The following ESR1 variants were observed in gnomAD, a reference collection of about 807,000 sequenced individuals.
ESR1 encodes estrogen receptor.
Under a neutral mutation model 52.7 loss-of-function variants are expected in ESR1, and 12 were observed. That is an observed-to-expected ratio of 0.23 (90% CI 0.15 to 0.37). The LOEUF (loss-of-function observed/expected upper bound fraction) is 0.37. ESR1 is among the 10% of genes least tolerant of loss of function. ESR1 has a pLI of 1.00. For synonymous variants in ESR1, 305 were observed against 316.8 expected (o/e 0.96, Z 0.39); for missense variants, 584 against 779.7 (o/e 0.75, Z 2.99).
chr6:151,815,442 G>A (rs1171488972), intron 1 of ESR1, among the ~76,000 whole-genome samples: 1 of 152,172 alleles, frequency 6.6e-6, no homozygotes, highest in Non-Finnish European at 1.5e-5. Flanking sequence ...TGCATGGCAC[G>A]TGAAAGCCCG....
chr6:151,881,463 A>G (rs1194304483), intron 3 of ESR1, among the ~76,000 whole-genome samples: 1 of 141,934 alleles, frequency 7.0e-6, no homozygotes, highest in Non-Finnish European at 1.6e-5. Flanking sequence ...TTTGTCATAC[A>G]GGAATCTGGA....
rs188587554 is a variant in ESR1, at chr6:151,764,497, G to A, written c.-70-43346G>A. 9.2e-5 allele frequency among the ~76,000 whole-genome samples: 14 copies of A among 152,234 alleles called. No individual in the cohort carries two copies. The East Asian group carries it at 1.4e-3, about 15-fold the overall frequency. Reference sequence around the variant, plus strand: ...CGCTTGTCAGGACGGCCAGTGGGGGGCTGCTGAGCGCAGGGAGTCAGTCCT... The same window carrying A: ...CGCTTGTCAGGACGGCCAGTGGGGGACTGCTGAGCGCAGGGAGTCAGTCCT... On this transcript the variant is annotated intron_variant, in intron 2 of 2. Coordinates refer to the ESR1 transcript ENST00000404742.
chr6:152,006,499 C>T (rs1004129219), intron 4 of ESR1, among the ~76,000 whole-genome samples: 5 of 151,848 alleles, frequency 3.3e-5, no homozygotes, highest in South Asian at 2.1e-4. Flanking sequence ...AAATATGGGA[C>T]GTGAAGACTG....
intron 4 of ESR1, among the ~76,000 whole-genome samples, chr6:151,986,126 G>A (rs3020407): frequency 0.53 from 81,007 of 151,978 alleles, 25,213 homozygotes; most frequent in Middle Eastern, 0.75. Context: ...TGGAGAAGGC[G>A]TGATATGGAA....
At chr6:151,856,602 A>AT (rs11450725) in intron 2 of ESR1, among the ~76,000 whole-genome samples, 71,428 of 151,962 alleles carry the variant, frequency 0.47, 17,737 homozygotes, top group African/African-American at 0.65. Context: ...TGTTTGGAAG[A>AT]TTCAGTTCCT....
At chr6:151,727,946 A>G (rs1781963828) in intron 2 of ESR1, among the ~76,000 whole-genome samples, 1 of 152,200 alleles carries the variant, frequency 6.6e-6, no homozygotes, top group African/African-American at 2.4e-5. Flanking sequence ...TTTTCTTTAT[A>G]AATTACCCAG....
chr6:152,006,143 C>CA (rs1415467696), intron 4 of ESR1, among the ~76,000 whole-genome samples: 2 of 151,990 alleles, frequency 1.3e-5, no homozygotes, highest in Non-Finnish European at 2.9e-5. Flanking sequence ...CACAATATTT[C>CA]AAAACAAGTG....
chr6:151,773,259 AC>A (rs1443508418), intron 2 of ESR1, among the ~76,000 whole-genome samples: 1 of 152,160 alleles, frequency 6.6e-6, no homozygotes, highest in Non-Finnish European at 1.5e-5. Context: ...TTGCCAGCAA[AC>A]CCCCAGAAGC....
chr6:151,765,680 A>G (rs1457228514), intron 2 of ESR1, among the ~76,000 whole-genome samples: 1 of 152,142 alleles, frequency 6.6e-6, no homozygotes, highest in African/African-American at 2.4e-5. Context: ...TGGGCTTGTC[A>G]CTCAGATTCT....
rs143910932 is a variant in ESR1, at chr6:152,059,286, A to G, written c.1236-1705A>G. 7.9e-3 allele frequency among the ~76,000 whole-genome samples: 1,203 copies of G among 152,080 alleles called. 19 individuals are homozygous for G. Among genetic ancestry groups the G allele is most frequent in the African/African-American group, 0.028 (1,154 of 41,554 alleles). ...AGAAGGAAATATAAGATAATTTTAT[A>G]TGTTATGTTGTATATATTTATATGT... is the stretch of plus-strand genomic sequence containing the variant. On this transcript the variant is annotated intron_variant, in intron 5 of 7. Coordinates refer to ENST00000206249, the MANE Select transcript of ESR1 (RefSeq NM_000125.4).
intron 4 of ESR1, among the ~76,000 whole-genome samples, chr6:151,970,374 T>C (rs1026492827): frequency 6.6e-6 from 1 of 151,960 alleles, no homozygotes; most frequent in African/African-American, 2.4e-5. Context: ...TGAGAAGCCC[T>C]CCCACAAGCA....
chr6:152,118,599 G>C (rs1056720479), intron 6 of ESR1, among the ~76,000 whole-genome samples: 9 of 151,248 alleles, frequency 6.0e-5, no homozygotes, highest in East Asian at 2.0e-4. Flanking sequence ...GGCCTGTCAG[G>C]GGGGTAGGAG....
intron 4 of ESR1, among the ~76,000 whole-genome samples, chr6:151,982,424 C>T (rs144448255): frequency 9.2e-5 from 14 of 152,106 alleles, no homozygotes; most frequent in Middle Eastern, 3.4e-3. Flanking sequence ...ATTCAGGTCA[C>T]GTAGGTAATA....
intron 1 of ESR1, among the ~76,000 whole-genome samples, chr6:151,682,943 T>A (rs1244538356): frequency 6.6e-6 from 1 of 152,208 alleles, no homozygotes; most frequent in Non-Finnish European, 1.5e-5. Flanking sequence ...AATTTAGTTG[T>A]GAGGAAAATG....
intron 2 of ESR1, among the ~76,000 whole-genome samples, chr6:151,865,139 A>C (rs1562491286): frequency 6.6e-6 from 1 of 152,148 alleles, no homozygotes; most frequent in South Asian, 2.1e-4. Context: ...AAACACTATT[A>C]ACAATTTCTT....
chr6:151,765,976 A>C (rs76974567), intron 2 of ESR1, among the ~76,000 whole-genome samples: 2,883 of 152,332 alleles, frequency 0.019, 35 homozygotes, highest in East Asian at 0.03. Context: ...TTCAAAGTAG[A>C]TGAGAGACAG....
chr6:151,792,541 G>T (rs1776269920), intron 2 of ESR1, among the ~76,000 whole-genome samples: 1 of 151,948 alleles, frequency 6.6e-6, no homozygotes, highest in Non-Finnish European at 1.5e-5. Flanking sequence ...CTAGGCTTAA[G>T]CAATCCTCAC....
chr6:151,734,790 T>G (rs1253083891), intron 2 of ESR1, among the ~76,000 whole-genome samples: 1 of 152,066 alleles, frequency 6.6e-6, no homozygotes, highest in Non-Finnish European at 1.5e-5. Context: ...GCCAGGCTAA[T>G]TTTTGTATTT....
intron 2 of ESR1, among the ~76,000 whole-genome samples, chr6:151,784,899 G>C (rs546162412): frequency 6.6e-6 from 1 of 152,216 alleles, no homozygotes; most frequent in Non-Finnish European, 1.5e-5. Flanking sequence ...AGGCCAGCAG[G>C]CTGGAAACTC....
Sources: gnomAD v4.1 joint callset for allele counts (sites outside exome capture counted in the v4.1 genomes callset) on GRCh38, gnomAD v4.1.1 for gene constraint, MANE v1.5 for transcripts, NCBI Gene and HGNC (gene_info 2026-07-23, HGNC 2026-07-21) for gene names.